ETV6: variants seen among roughly 807,000 people sequenced by gnomAD.
ETV6 encodes the protein ETS variant transcription factor 6, also known as transcription factor ETV6.
In ETV6, 16 loss-of-function variants were observed where a neutral mutation model predicts 51.1. The ratio of observed to expected loss-of-function variants is 0.31; its 90% CI spans 0.21 to 0.48. The LOEUF (loss-of-function observed/expected upper bound fraction) is 0.48, where lower values mean the gene tolerates loss of function less well. Among genes scored for constraint, ETV6 ranks in the 20% least tolerant of loss-of-function variants. The probability of loss-of-function intolerance (pLI) is 0.99; values close to 1 mark genes in which losing one functional copy is unlikely to be tolerated. For synonymous variants in ETV6, 240 were observed against 224.1 expected (o/e 1.07, Z -0.64); for missense variants, 458 against 594.8 (o/e 0.77, Z 2.39).
intron 1 of ETV6, among the ~76,000 whole-genome samples, chr12:11,679,915 C>G (rs1463573035): frequency 1.3e-5 from 2 of 152,208 alleles, no homozygotes. Context: ...GTTTACAAAT[C>G]TCTTCTCATT....
intron 1 of ETV6, among the ~76,000 whole-genome samples, chr12:11,723,073 T>C (rs548001102): frequency 7.0e-4 from 107 of 152,324 alleles, no homozygotes; most frequent in African/African-American, 2.5e-3. Context: ...GATCTCTCAC[T>C]TGGTAGTTGT....
At chr12:11,711,449 G>T (rs184566931) in intron 1 of ETV6, among the ~76,000 whole-genome samples, 1 of 152,282 alleles carries the variant, frequency 6.6e-6, no homozygotes, top group Admixed American at 6.5e-5. Context: ...CCATTTAAGT[G>T]TGGAAACTTT....
chr12:11,698,014 A>C (rs888602791), intron 1 of ETV6, among the ~76,000 whole-genome samples: 8 of 152,224 alleles, frequency 5.3e-5, no homozygotes, highest in African/African-American at 1.7e-4. Flanking sequence ...AAAAATTTAA[A>C]AAAACCTCTG....
At chr12:11,754,657 ATCTGAGGCATCAT>A (rs1944980329) in intron 2 of ETV6, among the ~76,000 whole-genome samples, 1 of 152,254 alleles carries the variant, frequency 6.6e-6, no homozygotes, top group Admixed American at 6.5e-5. Flanking sequence ...TATGATTCTC[ATCTGAGGCATCAT>A]TCTCCTTGCT....
chr12:11,883,276 C>CTTCTTTTT (rs776231778), intron 5 of ETV6, among the ~76,000 whole-genome samples: 2 of 79,116 alleles, frequency 2.5e-5, no homozygotes, highest in African/African-American at 1.5e-4. Context: ...ATGTCTTCTT[C>CTTCTTTTT]TTTTTTTTTT....
At chr12:11,851,059 C>A (rs1946545798) in intron 3 of ETV6, among the ~76,000 whole-genome samples, 1 of 152,140 alleles carries the variant, frequency 6.6e-6, no homozygotes, top group African/African-American at 2.4e-5. Flanking sequence ...TTCAAGGTCA[C>A]CTGGTGCACA....
intron 1 of ETV6, among the ~76,000 whole-genome samples, chr12:11,738,981 T>G (rs765261521): frequency 1.1e-4 from 17 of 152,094 alleles, no homozygotes; most frequent in Non-Finnish European, 2.1e-4. Context: ...AGTGATGATT[T>G]GTGTTGGGGA....
At chr12:11,737,024 C>A (rs1005158927) in intron 1 of ETV6, among the ~76,000 whole-genome samples, 3 of 152,156 alleles carry the variant, frequency 2.0e-5, no homozygotes, top group African/African-American at 7.2e-5. Context: ...AACCTTCCCC[C>A]CTGGGTGTGT....
At chr12:11,795,640 C>T (rs538068308) in intron 2 of ETV6, among the ~76,000 whole-genome samples, 2 of 152,374 alleles carry the variant, frequency 1.3e-5, no homozygotes, top group South Asian at 2.1e-4. Flanking sequence ...ACTACATCTC[C>T]ACCCATGGAA....
rs529017843 is a variant in ETV6 at position 11,893,100 on chromosome 12, G to C, written c.*2054G>C. ...TCTCAGCACGCTGCAGGTGTCTTTT[G>C]AGAGCATTCAGTAGGACATGGTGAT... On this transcript the variant is annotated 3_prime_UTR_variant, in exon 8 of 8. Transcript: ENST00000396373. 3.4e-5 allele frequency: 8 copies of C among 232,874 alleles called. No individual in the cohort carries two copies. The East Asian group carries it at 4.8e-4, about 14-fold the overall frequency. The allele number at this position is 232,874 out of a possible 1,614,324, so 14.4% of individuals were successfully genotyped here. A position where few individuals can be genotyped will look rare whatever the true frequency, so the allele number is the denominator to read the frequency against.
intron 1 of ETV6, among the ~76,000 whole-genome samples, chr12:11,695,726 C>CT (rs879280870): frequency 6.6e-6 from 1 of 152,242 alleles, no homozygotes; most frequent in Non-Finnish European, 1.5e-5. Flanking sequence ...CTTCTCCACT[C>CT]TTTCTCCAGT....
chr12:11,885,705 C>T (rs1255849194), intron 6 of ETV6, among the ~76,000 whole-genome samples: 1 of 152,164 alleles, frequency 6.6e-6, no homozygotes, highest in African/African-American at 2.4e-5. Context: ...AAGGGTGATT[C>T]ACCTTAGGAG....
intron 5 of ETV6, 65 bp from the exon 6 acceptor site, chr12:11,884,380 T>G: frequency 6.4e-7 from 1 of 1,564,546 alleles, no homozygotes; most frequent in Non-Finnish European, 8.8e-7. Flanking sequence ...CTTTTTTGAT[T>G]CTTCTGGTTA....
intron 1 of ETV6, among the ~76,000 whole-genome samples, chr12:11,738,296 G>T (rs1252817479): frequency 6.6e-4 from 58 of 88,014 alleles, no homozygotes; most frequent in African/African-American, 2.3e-3. Context: ...TCTGTTTTTT[G>T]TTTGTTTTTG....
chr12:11,881,581 C>G (rs1947094395), intron 5 of ETV6, among the ~76,000 whole-genome samples: 1 of 152,158 alleles, frequency 6.6e-6, no homozygotes, highest in Admixed American at 6.5e-5. Flanking sequence ...GGTGAGGGGT[C>G]TCTCTCAGGC....
At chr12:11,756,304 A>T (rs1000254903) in intron 2 of ETV6, among the ~76,000 whole-genome samples, 1 of 152,150 alleles carries the variant, frequency 6.6e-6, no homozygotes. Flanking sequence ...GCCCTTCAAC[A>T]GTCCTACAGC....
At position 11,650,420 on chromosome 12, in the gene ETV6, A is replaced by G. The variant is rs2541134; in HGVS notation, c.33+260A>G. Among the ~76,000 whole-genome samples the G allele has an allele frequency of 0.018, 2,296 of 127,182 alleles. 77 individuals are homozygous for G. The highest frequency in any genetic ancestry group is 0.061 in the African/African-American group (2,132 of 34,696). 83.4% of individuals were successfully genotyped at this position (127,182 alleles called of 152,430 possible). A position where few individuals can be genotyped will look rare whatever the true frequency, so the allele number is the denominator to read the frequency against. On this transcript the variant is annotated intron_variant, in intron 1 of 7. Transcript: ENST00000396373. ...TTTTGACAATGAAATGCCGGTCACA[A>G]TTGGTCAGAGCAACCCGGATTGTCT...
At chr12:11,870,377 G>T (rs573616113) in intron 5 of ETV6, among the ~76,000 whole-genome samples, 1 of 152,218 alleles carries the variant, frequency 6.6e-6, no homozygotes, top group African/African-American at 2.4e-5. Context: ...ATTCCATCCT[G>T]TGAGCGGTAA....
intron 2 of ETV6, among the ~76,000 whole-genome samples, chr12:11,775,064 C>T (rs1945300011): frequency 6.6e-6 from 1 of 152,198 alleles, no homozygotes; most frequent in Non-Finnish European, 1.5e-5. Flanking sequence ...TTGTAATTCT[C>T]TGTCTCTGTA....
Sources: gnomAD v4.1 joint callset for allele counts (sites outside exome capture counted in the v4.1 genomes callset) on GRCh38, gnomAD v4.1.1 for gene constraint, MANE v1.5 for transcripts, NCBI Gene and HGNC (gene_info 2026-07-23, HGNC 2026-07-21) for gene names.